The following PTPRM variants were observed in gnomAD, a reference collection of about 807,000 sequenced individuals.
PTPRM encodes receptor-type tyrosine-protein phosphatase mu.
Under a neutral mutation model 186.7 loss-of-function variants are expected in PTPRM, and 47 were observed. That is an observed-to-expected ratio of 0.25 (90% CI 0.20 to 0.32). PTPRM has a LOEUF of 0.32. Among genes scored for constraint, PTPRM ranks in the 10% least tolerant of loss-of-function variants. The probability of loss-of-function intolerance (pLI) is 1.00; values close to 1 mark genes in which losing one functional copy is unlikely to be tolerated. For missense variants in PTPRM, 1,494 were observed against 1,865.0 expected (o/e 0.80, Z 3.66); for synonymous variants, 668 against 674.9 (o/e 0.99, Z 0.16).
At chr18:7,886,658 T>C (rs1387374108) in intron 2 of PTPRM, among the ~76,000 whole-genome samples, 1 of 152,214 alleles carries the variant, frequency 6.6e-6, no homozygotes, top group African/African-American at 2.4e-5. Flanking sequence ...CTCAAAGTTC[T>C]GGTTTTGCCA....
intron 2 of PTPRM, among the ~76,000 whole-genome samples, chr18:7,864,119 A>G (rs1322121674): frequency 6.6e-6 from 1 of 152,138 alleles, no homozygotes; most frequent in Non-Finnish European, 1.5e-5. Flanking sequence ...TGGACAGATT[A>G]CAAATATTTT....
chr18:7,707,694 G>C (rs571138419), intron 1 of PTPRM, among the ~76,000 whole-genome samples: 1 of 152,086 alleles, frequency 6.6e-6, no homozygotes, highest in Non-Finnish European at 1.5e-5. Context: ...TATAAGATAT[G>C]TTCATATTCT....
chr18:8,032,052 T>C (rs2086011776), intron 7 of PTPRM, among the ~76,000 whole-genome samples: 1 of 152,350 alleles, frequency 6.6e-6, no homozygotes, highest in East Asian at 1.9e-4. Context: ...AAATTATTAG[T>C]CATCGTTGTT....
chr18:7,844,317 C>T (rs974305856), intron 2 of PTPRM, among the ~76,000 whole-genome samples: 1 of 152,222 alleles, frequency 6.6e-6, no homozygotes, highest in Admixed American at 6.5e-5. Context: ...ATCTATAAAT[C>T]TTATCCTCAT....
chr18:7,636,180 G>A lies in PTPRM; in HGVS notation c.73+68289G>A, dbSNP rs540039364. On this transcript the variant is annotated intron_variant, in intron 1 of 32. Coordinates refer to ENST00000580170, the MANE Select transcript of PTPRM (RefSeq NM_001105244.2). ...AGCCAGCCTGAATATGTCCTTTAAA[G>A]TGTACCTACCTGTTAACCACTGCAG... Among the ~76,000 whole-genome samples, 5 of 150,712 alleles carry A rather than the reference G, an allele frequency of 3.3e-5. No homozygotes were observed. In the East Asian group the frequency reaches 5.8e-4, roughly 18 times the overall value.
Position 8,310,123 on chromosome 18 carries a change from A to G in PTPRM, c.2843-4658A>G, listed in dbSNP as rs189276897. 3.6e-3 allele frequency among the ~76,000 whole-genome samples: 552 copies of G among 152,204 alleles called. 1 individual carries two copies. Among genetic ancestry groups the G allele is most frequent in the Non-Finnish European group, 4.9e-3 (335 of 68,006 alleles). The stretch of plus-strand genomic sequence containing the variant: ...TCAGATCAGAATCCTAGAAGTCAAC[A>G]TGATACCTCTTCTCATCCACAATAA... On this transcript the variant is annotated intron_variant, in intron 20 of 32. Coordinates refer to ENST00000580170, the MANE Select transcript of PTPRM (RefSeq NM_001105244.2).
chr18:8,315,354 G>T (rs2095301750), intron 21 of PTPRM, among the ~76,000 whole-genome samples: 1 of 152,164 alleles, frequency 6.6e-6, no homozygotes, highest in African/African-American at 2.4e-5. Context: ...AAAGTAGTCT[G>T]CATCTGTTCA....
At chr18:7,780,092 A>C (rs917022264) in intron 2 of PTPRM, among the ~76,000 whole-genome samples, 1 of 152,250 alleles carries the variant, frequency 6.6e-6, no homozygotes, top group Non-Finnish European at 1.5e-5. Context: ...TCTCTAAAAA[A>C]AGTAAGATAA....
At chr18:8,124,383 A>C (rs1232997385) in intron 13 of PTPRM, among the ~76,000 whole-genome samples, 5 of 152,148 alleles carry the variant, frequency 3.3e-5, no homozygotes, top group African/African-American at 1.2e-4. Flanking sequence ...GTCTTTTTTA[A>C]GGGATTTATT....
intron 1 of PTPRM, among the ~76,000 whole-genome samples, chr18:7,762,141 A>G (rs2041805940): frequency 6.6e-6 from 1 of 152,154 alleles, no homozygotes; most frequent in South Asian, 2.1e-4. Flanking sequence ...AGCATGTCCA[A>G]AGTTACATTG....
chr18:8,315,161 T>A (rs1354254336), intron 21 of PTPRM, among the ~76,000 whole-genome samples: 1 of 152,256 alleles, frequency 6.6e-6, no homozygotes, highest in African/African-American at 2.4e-5. Flanking sequence ...TGTAACATTC[T>A]ATGCCTTCTT....
rs577282665 is a variant in PTPRM at position 8,354,948 on chromosome 18, A to G, written c.3054+11428A>G. Among the ~76,000 whole-genome samples, 3 of 152,340 alleles carry G rather than the reference A, an allele frequency of 2.0e-5. No homozygotes were observed. The South Asian group carries it at 6.2e-4, about 32-fold the overall frequency. ...TGGTTGGGAGTGTGTTTTTAGTGAT[A>G]GAGTAGACATAAGAGTAACTGGGAG... On this transcript the variant is annotated intron_variant, in intron 23 of 32. Transcript: ENST00000580170.
At chr18:8,385,020 C>T (rs1304703109) in intron 30 of PTPRM, among the ~76,000 whole-genome samples, 1 of 152,038 alleles carries the variant, frequency 6.6e-6, no homozygotes, top group Non-Finnish European at 1.5e-5. Flanking sequence ...TTATAGCCAG[C>T]AGGCAGGGTG....
At chr18:8,332,586 G>A (rs1294034657) in intron 22 of PTPRM, among the ~76,000 whole-genome samples, 11 of 152,296 alleles carry the variant, frequency 7.2e-5, no homozygotes, top group East Asian at 1.9e-4. Context: ...GGTTGTGTGC[G>A]CTGGAGAAAA....
At chr18:8,081,487 G>T (rs2090125699) in intron 9 of PTPRM, among the ~76,000 whole-genome samples, 1 of 152,224 alleles carries the variant, frequency 6.6e-6, no homozygotes, top group South Asian at 2.1e-4. Context: ...GTAGTTTGCT[G>T]CTGTACTGAA....
rs186062914 is a variant in PTPRM, at chr18:8,181,277, G to A, written c.2300+37498G>A. 6.6e-5 allele frequency among the ~76,000 whole-genome samples: 10 copies of A among 152,266 alleles called. No individual in the cohort carries two copies. In the East Asian group the frequency reaches 1.7e-3, roughly 26 times the overall value. ...TTCCATCTTTCTCCAAGTGTACCCC[G>A]TCTTTTTTATTTTGGGTAATGTTGG... On this transcript the variant is annotated intron_variant, in intron 14 of 32. Coordinates refer to ENST00000580170, the MANE Select transcript of PTPRM (RefSeq NM_001105244.2).
rs761191273 is a variant in PTPRM at position 7,949,276 on chromosome 18, A to G, written c.759A>G (p.Arg253=). Residue 253 remains arginine, a synonymous_variant, in exon 6 of 33, where the codon CGA becomes CGG. Transcript: ENST00000580170. ...TTAATGTTGTGAATACCACCAAACGAGATGCTGGAAAGTACCGCTGCATGA... is the reference window on the plus strand; with the variant it reads ...TTAATGTTGTGAATACCACCAAACGGGATGCTGGAAAGTACCGCTGCATGA... ...ASFNVVNTTK[R]DAGKYRCMIR... The G allele has an allele frequency of 7.4e-6, 12 of 1,613,908 alleles. No individual in the cohort carries two copies. Among genetic ancestry groups the G allele is most frequent in the African/African-American group, 1.3e-5 (1 of 74,940 alleles).
intron 1 of PTPRM, among the ~76,000 whole-genome samples, chr18:7,599,534 C>A (rs2037347754): frequency 6.6e-6 from 1 of 152,170 alleles, no homozygotes; most frequent in Admixed American, 6.5e-5. Flanking sequence ...AGTGAGAGCT[C>A]CCAACAGCTC....
At chr18:7,680,766 A>G (rs1287059604) in intron 1 of PTPRM, among the ~76,000 whole-genome samples, 1 of 152,230 alleles carries the variant, frequency 6.6e-6, no homozygotes, top group Non-Finnish European at 1.5e-5. Context: ...CTTTATGAAC[A>G]TAGTGAAATG....
Sources: gnomAD v4.1 joint callset for allele counts (sites outside exome capture counted in the v4.1 genomes callset) on GRCh38, gnomAD v4.1.1 for gene constraint, MANE v1.5 for transcripts, NCBI Gene and HGNC (gene_info 2026-07-23, HGNC 2026-07-21) for gene names.